Variants in PCDHGA12 observed in about 807,000 individuals in gnomAD.
PCDHGA12 encodes protocadherin gamma subfamily A, 12.
A neutral mutation model predicts 61.1 loss-of-function variants in PCDHGA12; 43 were observed. That is an observed-to-expected ratio of 0.70 (90% CI 0.55 to 0.91). The LOEUF (loss-of-function observed/expected upper bound fraction) is 0.91, where lower values mean the gene tolerates loss of function less well. Among genes scored for constraint, PCDHGA12 ranks in the 40% least tolerant of loss-of-function variants. PCDHGA12 has a pLI of 0.00. For missense variants in PCDHGA12, 1,236 were observed against 1,227.7 expected, an observed-to-expected ratio of 1.01 and a Z score of -0.10; for synonymous variants, 520 against 542.9, an observed-to-expected ratio of 0.96 and a Z score of 0.59.
Position 141,432,562 on chromosome 5 carries a change from C to G in PCDHGA12, c.1803C>G (p.Asn601Lys). The change falls in exon 1 of 4, where the codon AAC becomes AAG. Residue 601 changes from asparagine to lysine, a missense_variant. Physicochemically the swap from Asn to Lys is moderately conservative, Grantham distance 94 (BLOSUM62 0). Coordinates refer to ENST00000252085, the MANE Select transcript of PCDHGA12 (RefSeq NM_003735.3). The surrounding 1 kb of genome is among the most constrained non-coding windows in gnomAD (Gnocchi z 6.0). ...CGGTGGACAGAGACTCCGGCCAGAA[C>G]GCCTGGCTGTCCTACCGTCTGCTCA... ...VVAVDRDSGQ[N>K]AWLSYRLLKA... 1 of 1,613,964 alleles carries G rather than the reference C, an allele frequency of 6.2e-7. No homozygotes were observed. Among genetic ancestry groups the G allele is most frequent in the Non-Finnish European group, 8.5e-7 (1 of 1,180,004 alleles).
chr5:141,441,359 G>T (rs932747576), intron 1 of PCDHGA12: 1 of 152,522 alleles, frequency 6.6e-6, no homozygotes, highest in Non-Finnish European at 1.5e-5. Flanking sequence ...TGTAACAAAT[G>T]GGGCCGTGGA....
At chr5:141,454,249 C>T (rs1215688507) in intron 1 of PCDHGA12, among the ~76,000 whole-genome samples, 3 of 152,192 alleles carry the variant, frequency 2.0e-5, no homozygotes, top group Non-Finnish European at 4.4e-5. Context: ...ATGAAGATGT[C>T]CCAGAGAAAG....
chr5:141,489,151 AAG>A lies in PCDHGA12; in HGVS notation c.2425-5652_2425-5651del. ...TTTTTAAGAGGCTGGAAGGAGACAT[AAG>A]AGACTTCAGCTGCTGCATTCCAAGC... On this transcript the variant is annotated intron_variant, in intron 1 of 3. Coordinates refer to ENST00000252085, the MANE Select transcript of PCDHGA12 (RefSeq NM_003735.3). The surrounding 1 kb of genome is among the most constrained non-coding windows in gnomAD (Gnocchi z 4.5). The A allele has an allele frequency of 1.1e-6, 1 of 932,970 alleles. No homozygotes were observed. The highest frequency in any genetic ancestry group is 1.6e-6 in the Non-Finnish European group (1 of 622,054). 57.8% of individuals were successfully genotyped at this position (932,970 alleles called of 1,614,324 possible).
intron 1 of PCDHGA12, among the ~76,000 whole-genome samples, chr5:141,466,994 T>C (rs944607423): frequency 6.6e-6 from 1 of 152,176 alleles, no homozygotes; most frequent in African/African-American, 2.4e-5. Flanking sequence ...CTTTTGGCAT[T>C]TTTTTGCAAT....
At chr5:141,478,765 C>T in intron 1 of PCDHGA12, 1 of 1,508,614 alleles carries the variant, frequency 6.6e-7, no homozygotes, top group Non-Finnish European at 8.9e-7. Context: ...AGATACTTGA[C>T]TCATCTGTGG....
chr5:141,464,271 A>AT (rs1336006891), intron 1 of PCDHGA12, among the ~76,000 whole-genome samples: 1 of 136,538 alleles, frequency 7.3e-6, no homozygotes, highest in Non-Finnish European at 1.5e-5. Flanking sequence ...TCTAAAAAAA[A>AT]AAAAAAGCAA....
rs759809060 is a variant in PCDHGA12, at chr5:141,476,317, G to A, written c.2425-18490G>A. 1.2e-6 allele frequency: 2 copies of A among 1,614,170 alleles called. No individual in the cohort carries two copies. Among genetic ancestry groups the A allele is most frequent in the South Asian group, 2.2e-5 (2 of 91,078 alleles). On this transcript the variant is annotated intron_variant, in intron 1 of 3. Coordinates refer to ENST00000252085, the MANE Select transcript of PCDHGA12 (RefSeq NM_003735.3). This position sits in a 1 kb window ranked among gnomAD's most constrained non-coding sequence, Gnocchi z 7.6. Reference sequence around the variant, plus strand: ...GTAGCCTCTCAGCCCGCAGGTTCCGGGTGGTGTCTGGAGCTAGCCGAAGAT... The same window carrying A: ...GTAGCCTCTCAGCCCGCAGGTTCCGAGTGGTGTCTGGAGCTAGCCGAAGAT...
At chr5:141,453,745 A>G (rs1208061874) in intron 1 of PCDHGA12, among the ~76,000 whole-genome samples, 1 of 152,264 alleles carries the variant, frequency 6.6e-6, no homozygotes, top group African/African-American at 2.4e-5. Context: ...CTTAAATAAC[A>G]TAAGTCTCCT....
chr5:141,436,638 A>G (rs2097838155), intron 1 of PCDHGA12, among the ~76,000 whole-genome samples: 1 of 152,194 alleles, frequency 6.6e-6, no homozygotes, highest in Non-Finnish European at 1.5e-5. Flanking sequence ...ACATGCAATT[A>G]ATTAACAGTA....
rs1055042563 is a variant in PCDHGA12, at chr5:141,512,805, C to G, written c.*1632C>G. On this transcript the variant is annotated 3_prime_UTR_variant, in exon 4 of 4. Coordinates refer to ENST00000252085, the MANE Select transcript of PCDHGA12 (RefSeq NM_003735.3). ...TGTTGTGTTTTGTGCTGTGTCCACG[C>G]GCTAAGGCGACCCCCTCCCCCGTAC... 3.0e-4 allele frequency: 46 copies of G among 152,378 alleles called. No individual in the cohort carries two copies. Among genetic ancestry groups the G allele is most frequent in the African/African-American group, 9.9e-4 (41 of 41,570 alleles). The allele number at this position is 152,378 out of a possible 1,614,324, so 9.4% of individuals were successfully genotyped here.
rs1369501221 is a variant in PCDHGA12 at position 141,493,257 on chromosome 5, A to G, written c.2425-1550A>G. On this transcript the variant is annotated intron_variant, in intron 1 of 3. Coordinates refer to ENST00000252085, the MANE Select transcript of PCDHGA12 (RefSeq NM_003735.3). The surrounding 1 kb of genome is among the most constrained non-coding windows in gnomAD (Gnocchi z 4.3). ...GGCTAGGTACTAACATGCCTCTCTT[A>G]TAACAGCTTCACAGAGGTCAAGTGA... Among the ~76,000 whole-genome samples the G allele has an allele frequency of 6.6e-6, 1 of 152,190 alleles. No individual in the cohort carries two copies. Among genetic ancestry groups the G allele is most frequent in the South Asian group, 2.1e-4 (1 of 4,830 alleles).
chr5:141,465,697 T>C (rs1386528821), intron 1 of PCDHGA12, among the ~76,000 whole-genome samples: 2 of 152,200 alleles, frequency 1.3e-5, no homozygotes, highest in African/African-American at 4.8e-5. Context: ...TGCTTTTGCA[T>C]TGGTCAAATG....
chr5:141,494,778 C>CA, intron 1 of PCDHGA12, 29 bp from the exon 2 acceptor site: 1 of 1,614,086 alleles, frequency 6.2e-7, no homozygotes, highest in Non-Finnish European at 8.5e-7. Context: ...CACGGGTACT[C>CA]AGCCCCTTTC....
At chr5:141,475,059 G>T (rs2099358742) in intron 1 of PCDHGA12, among the ~76,000 whole-genome samples, 1 of 152,180 alleles carries the variant, frequency 6.6e-6, no homozygotes, top group South Asian at 2.1e-4. Flanking sequence ...AAAGATTTGT[G>T]GAGCTTTGCT....
intron 1 of PCDHGA12, chr5:141,484,969 G>A: frequency 3.4e-6 from 2 of 584,588 alleles, no homozygotes; most frequent in Admixed American, 3.2e-5. Flanking sequence ...CCCGGGAGCC[G>A]CTGTCTGCCA....
At chr5:141,488,183 T>C (rs1249953031) in intron 1 of PCDHGA12, among the ~76,000 whole-genome samples, 1 of 152,148 alleles carries the variant, frequency 6.6e-6, no homozygotes, top group Non-Finnish European at 1.5e-5. Flanking sequence ...CATAGATCTT[T>C]TGGTCTGGGT....
At chr5:141,498,346 C>T (rs780832000) in intron 2 of PCDHGA12, among the ~76,000 whole-genome samples, 1 of 150,796 alleles carries the variant, frequency 6.6e-6, no homozygotes, top group Non-Finnish European at 1.5e-5. Context: ...ATGGGAAAAG[C>T]CTATGCAAAA....
intron 1 of PCDHGA12, among the ~76,000 whole-genome samples, chr5:141,483,875 AT>A (rs2154580008): frequency 6.6e-6 from 1 of 151,964 alleles, no homozygotes; most frequent in Admixed American, 6.6e-5. Context: ...ATCAGGATGG[AT>A]TTTTCTATTT....
chr5:141,460,961 ATGTGTGTG>A (rs35821115), intron 1 of PCDHGA12, among the ~76,000 whole-genome samples: 11 of 144,552 alleles, frequency 7.6e-5, no homozygotes, highest in South Asian at 2.2e-4. Context: ...GTATATATAT[ATGTGTGTG>A]TGTGTGTGTG....
Sources: gnomAD v4.1 joint callset for allele counts (sites outside exome capture counted in the v4.1 genomes callset) on GRCh38, gnomAD v4.1.1 for gene constraint, Gnocchi (gnomAD v3.1) non-coding constraint, MANE v1.5 for transcripts, NCBI Gene and HGNC (gene_info 2026-07-23, HGNC 2026-07-21) for gene names.